ESCO2: variants seen among roughly 807,000 people sequenced by gnomAD.
ESCO2 encodes N-acetyltransferase ESCO2.
In ESCO2, 51 loss-of-function variants were observed where a neutral mutation model predicts 61.7. The ratio of observed to expected loss-of-function variants is 0.83; its 90% CI spans 0.66 to 1.04. The LOEUF is 1.04. Ranked by LOEUF, ESCO2 falls within the 50% of genes least tolerant of loss-of-function variation. The probability of loss-of-function intolerance (pLI) is 0.00; values close to 1 mark genes in which losing one functional copy is unlikely to be tolerated. For synonymous variants in ESCO2, 230 were observed against 238.2 expected, an observed-to-expected ratio of 0.97 and a Z score of 0.32; for missense variants, 692 against 686.2, an observed-to-expected ratio of 1.01 and a Z score of -0.09.
intron 6 of ESCO2, 128 bp from the exon 7 acceptor site, chr8:27,788,719 T>G: frequency 8.9e-7 from 1 of 1,125,606 alleles, no homozygotes; most frequent in Non-Finnish European, 1.3e-6. Flanking sequence ...GATTTTCATT[T>G]AGTTTTTCAC....
Position 27,777,059 on chromosome 8 carries a change from GA to G in ESCO2, c.760del (p.Thr254LeufsTer13), listed in dbSNP as rs80359852. On this transcript the variant is annotated frameshift_variant, in exon 3 of 11. Coordinates refer to ENST00000305188, the MANE Select transcript of ESCO2 (RefSeq NM_001017420.3). LOFTEE classifies it high-confidence loss of function. ...AGATTCTGATGTAGAGACTGTCAGT[GA>G]AAAAAAAACTTTTGCGACAAGGCAA... ...IEDSDVETVS[E>X]KKTFATRQVP... 25 of 1,598,802 alleles carry G rather than the reference GA, an allele frequency of 1.6e-5. No homozygotes were observed. Among genetic ancestry groups the G allele is most frequent in the Admixed American group, 7.0e-5 (4 of 57,114 alleles).
chr8:27,778,913 G>C (rs1804861138), intron 3 of ESCO2: 1 of 152,218 alleles, frequency 6.6e-6, no homozygotes, highest in Non-Finnish European at 1.5e-5. Context: ...GGGCGAATCT[G>C]ATTTTCTGTT....
Position 27,776,801 on chromosome 8 carries a change from T to G in ESCO2, c.493T>G (p.Ser165Ala). 6.2e-7 allele frequency: 1 copy of G among 1,614,056 alleles called. No individual in the cohort carries two copies. Among genetic ancestry groups the G allele is most frequent in the Middle Eastern group, 1.6e-4 (1 of 6,062 alleles). ...IKPVSRNSRN[S>A]KQNRVIYKPI... ...GCCTGTATCAAGGAATTCTAGAAAT[T>G]CCAAGCAAAATCGAGTGATCTATAA... Residue 165 changes from serine to alanine, a missense_variant, in exon 3 of 11, where the codon TCC becomes GCC. Transcript: ENST00000305188.
At chr8:27,774,728 G>T (rs1248948717) in intron 1 of ESCO2, 121 bp downstream of exon 1, 2 of 152,276 alleles carry the variant, frequency 1.3e-5, no homozygotes, top group Non-Finnish European at 2.9e-5. Flanking sequence ...CGGCAGGTCC[G>T]CAGGCCCGAG....
downstream of ESCO2, chr8:27,808,295 C>A (rs868363123): frequency 2.2e-6 from 2 of 920,896 alleles, no homozygotes; most frequent in Admixed American, 3.9e-5. Flanking sequence ...ATAACAAGCT[C>A]CTGGAGGCTT....
downstream of ESCO2, among the ~76,000 whole-genome samples, chr8:27,816,623 G>A (rs1047357562): frequency 3.3e-5 from 5 of 151,568 alleles, no homozygotes; most frequent in African/African-American, 7.3e-5. Context: ...TGATTTGCCC[G>A]CCTCGGCCTC....
chr8:27,813,558 T>C (rs68177798), downstream of ESCO2, among the ~76,000 whole-genome samples: 23,933 of 152,108 alleles, frequency 0.16, 2,395 homozygotes, highest in East Asian at 0.37. Flanking sequence ...GTTTGATATA[T>C]GTAAACACTG....
chr8:27,776,114 T>G (rs2128950940), intron 2 of ESCO2, among the ~76,000 whole-genome samples: 1 of 152,380 alleles, frequency 6.6e-6, no homozygotes, highest in African/African-American at 2.4e-5. Flanking sequence ...CATACATGCA[T>G]ATATGTCTAT....
intron 4 of ESCO2, among the ~76,000 whole-genome samples, chr8:27,782,423 G>A (rs958298506): frequency 6.6e-5 from 10 of 152,012 alleles, no homozygotes; most frequent in Middle Eastern, 3.2e-3. Flanking sequence ...CACCATGCCC[G>A]GCTAATTTTT....
chr8:27,812,920 C>T (rs1411750722), downstream of ESCO2, among the ~76,000 whole-genome samples: 1 of 152,174 alleles, frequency 6.6e-6, no homozygotes, highest in African/African-American at 2.4e-5. Context: ...GGCAATCCCT[C>T]AAGGATCTAG....
the ESCO2 span, among the ~76,000 whole-genome samples, chr8:27,817,874 A>G: frequency 4.6e-5 from 7 of 152,188 alleles, no homozygotes; most frequent in African/African-American, 9.7e-5. Context: ...GAAACTTTCT[A>G]TGATGATTAA....
chr8:27,809,121 G>A (rs1036007031), downstream of ESCO2, among the ~76,000 whole-genome samples: 2 of 152,130 alleles, frequency 1.3e-5, no homozygotes, highest in African/African-American at 4.8e-5. Context: ...CCCTGGAGAA[G>A]CTGCTCTGTT....
chr8:27,776,293 C>A, intron 2 of ESCO2, 69 bp from the exon 3 acceptor site: 1 of 1,313,386 alleles, frequency 7.6e-7, no homozygotes, highest in Non-Finnish European at 1.1e-6. Context: ...GTAGAGCTTA[C>A]TTAGCAGTAG....
chr8:27,788,233 A>G (rs1211411335), intron 6 of ESCO2, among the ~76,000 whole-genome samples: 2 of 147,848 alleles, frequency 1.4e-5, no homozygotes, highest in Non-Finnish European at 3.0e-5. Flanking sequence ...TATTGTTTAA[A>G]ATAATTTAAT....
At chr8:27,817,809 T>G in the ESCO2 span, among the ~76,000 whole-genome samples, 1 of 152,168 alleles carries the variant, frequency 6.6e-6, no homozygotes, top group Non-Finnish European at 1.5e-5. Flanking sequence ...GTGTCATTTC[T>G]GAGCTTGAGC....
chr8:27,783,279 A>G (rs1804964702), intron 4 of ESCO2, among the ~76,000 whole-genome samples: 1 of 152,180 alleles, frequency 6.6e-6, no homozygotes, highest in African/African-American at 2.4e-5. Context: ...TTTAAGGTTC[A>G]TCCATGTTGT....
At chr8:27,803,201 A>G (rs1229301933) in intron 10 of ESCO2, 105 bp from the exon 11 acceptor site, 2 of 1,013,598 alleles carry the variant, frequency 2.0e-6, no homozygotes, top group African/African-American at 3.2e-5. Flanking sequence ...TTCACTTACT[A>G]AAAATAAGGT....
At chr8:27,788,358 T>G (rs1323943350) in intron 6 of ESCO2, among the ~76,000 whole-genome samples, 1 of 152,202 alleles carries the variant, frequency 6.6e-6, no homozygotes, top group African/African-American at 2.4e-5. Flanking sequence ...ATTAAAAAGT[T>G]CCGTTGTTCA....
chr8:27,776,973 C>T lies in ESCO2; in HGVS notation c.665C>T (p.Ser222Leu), dbSNP rs1406181632. 1.9e-6 allele frequency: 3 copies of T among 1,613,002 alleles called. No individual in the cohort carries two copies. Among genetic ancestry groups the T allele is most frequent in the East Asian group, 2.2e-5 (1 of 44,874 alleles). ...AGAAAAAAATCTTCTCTTAGAAAATCGTCCCTGGAAAATGAGCCGTCACTG... is the reference window on the plus strand; with the variant it reads ...AGAAAAAAATCTTCTCTTAGAAAATTGTCCCTGGAAAATGAGCCGTCACTG... Reference protein sequence around the residue: ...FVRKKSSLRKSSLENEPSLGR... With the variant: ...FVRKKSSLRKLSLENEPSLGR... The change falls in exon 3 of 11, where the codon TCG becomes TTG. Residue 222 changes from serine (S) to leucine (L), a missense_variant. Coordinates refer to ENST00000305188, the MANE Select transcript of ESCO2 (RefSeq NM_001017420.3).
Sources: gnomAD v4.1 joint callset for allele counts (sites outside exome capture counted in the v4.1 genomes callset) on GRCh38, gnomAD v4.1.1 for gene constraint, MANE v1.5 for transcripts, NCBI Gene and HGNC (gene_info 2026-07-23, HGNC 2026-07-21) for gene names.